The following TENT5D variants were observed in gnomAD, a reference collection of about 807,000 sequenced individuals.
TENT5D encodes terminal nucleotidyltransferase 5D.
For synonymous variants in TENT5D, 103 were observed against 100.6 expected (o/e 1.02, Z -0.15); for missense variants, 191 against 287.0 (o/e 0.67, Z 2.42).
At chrX:80,377,585 A>G (rs180742291) in intron 3 of TENT5D, among the ~76,000 whole-genome samples, 7 of 111,984 alleles carry the variant, frequency 6.3e-5, no homozygotes, top group Non-Finnish European at 1.3e-4. Context: ...TTATGGCTGC[A>G]TAGTGTTCCA....
chrX:80,371,480 C>A (rs1012028631), intron 3 of TENT5D, among the ~76,000 whole-genome samples: 3 of 111,981 alleles, frequency 2.7e-5, no homozygotes, highest in African/African-American at 6.5e-5. Flanking sequence ...TACAGCTATG[C>A]AACTCATAGA....
At chrX:80,359,584 A>G (rs771565245) in intron 3 of TENT5D, among the ~76,000 whole-genome samples, 5 of 111,135 alleles carry the variant, frequency 4.5e-5, no homozygotes, top group Non-Finnish European at 9.4e-5. Context: ...GGAGTTGTAC[A>G]ATGAGAACAC....
At chrX:80,404,843 C>A (rs1207799658) in intron 3 of TENT5D, among the ~76,000 whole-genome samples, 1 of 111,641 alleles carries the variant, frequency 9.0e-6, no homozygotes, top group Non-Finnish European at 1.9e-5. Flanking sequence ...GATGTAATAA[C>A]CTTAATTTAA....
chrX:80,377,585 A>T (rs180742291), intron 3 of TENT5D, among the ~76,000 whole-genome samples: 1 of 111,927 alleles, frequency 8.9e-6, no homozygotes, highest in African/African-American at 3.3e-5. Flanking sequence ...TTATGGCTGC[A>T]TAGTGTTCCA....
At chrX:80,341,145 A>T (rs1929949679) in intron 2 of TENT5D, among the ~76,000 whole-genome samples, 1 of 112,461 alleles carries the variant, frequency 8.9e-6, no homozygotes. Flanking sequence ...ATTTGTGACT[A>T]TGCACATTTG....
chrX:80,414,947 T>A (rs1569370759), intron 3 of TENT5D, among the ~76,000 whole-genome samples: 1 of 112,110 alleles, frequency 8.9e-6, no homozygotes, highest in South Asian at 3.7e-4. Context: ...TTTTCCTTTT[T>A]TGTATTATGT....
At chrX:80,433,552 G>A (rs1238784713) in intron 1 of TENT5D, among the ~76,000 whole-genome samples, 1 of 112,018 alleles carries the variant, frequency 8.9e-6, no homozygotes, top group African/African-American at 3.2e-5. Flanking sequence ...AGATTTCTCT[G>A]GGATTAGGGG....
chrX:80,359,134 C>T (rs915147479), intron 3 of TENT5D, among the ~76,000 whole-genome samples: 9 of 112,045 alleles, frequency 8.0e-5, no homozygotes, highest in Non-Finnish European at 1.7e-4. Flanking sequence ...GAATGGCAAT[C>T]ATTGAAAAGT....
intron 3 of TENT5D, among the ~76,000 whole-genome samples, chrX:80,354,949 G>T (rs759892417): frequency 2.7e-5 from 3 of 111,580 alleles, no homozygotes; most frequent in South Asian, 3.7e-4. Flanking sequence ...AATTAGTTTT[G>T]TTCCCGGATG....
chrX:80,354,724 G>A (rs139836105), intron 3 of TENT5D, among the ~76,000 whole-genome samples: 1,472 of 111,945 alleles, frequency 0.013, 27 homozygotes, highest in African/African-American at 0.045. Context: ...GGGAGCTACT[G>A]CATTCGTTTG....
chrX:80,407,120 C>A (rs1019125375), intron 3 of TENT5D, among the ~76,000 whole-genome samples: 2 of 108,583 alleles, frequency 1.8e-5, no homozygotes, highest in Non-Finnish European at 3.8e-5. Flanking sequence ...TGGAATGGAA[C>A]AACCGGTACC....
At chrX:80,425,679 A>G (rs920251669) in intron 1 of TENT5D, among the ~76,000 whole-genome samples, 4 of 112,368 alleles carry the variant, frequency 3.6e-5, no homozygotes, top group Non-Finnish European at 7.5e-5. Flanking sequence ...TTGATAGCAT[A>G]TATTTAAACA....
At chrX:80,348,753 T>C (rs753756733) in intron 3 of TENT5D, among the ~76,000 whole-genome samples, 33 of 111,977 alleles carry the variant, frequency 2.9e-4, no homozygotes, top group African/African-American at 1.0e-3. Context: ...TCAAAGTGAA[T>C]GCTTCCAGCT....
intron 3 of TENT5D, among the ~76,000 whole-genome samples, chrX:80,372,845 C>T (rs1930651392): frequency 9.6e-6 from 1 of 104,611 alleles, no homozygotes; most frequent in Non-Finnish European, 2.0e-5. Flanking sequence ...CAAGATCTCA[C>T]CACTGCACTC....
intron 3 of TENT5D, among the ~76,000 whole-genome samples, chrX:80,390,465 T>G: frequency 8.9e-6 from 1 of 111,743 alleles, no homozygotes; most frequent in Middle Eastern, 4.6e-3. Flanking sequence ...CAAGTATATA[T>G]GATGCAGTGA....
At chrX:80,431,364 A>G (rs1487681262) in intron 1 of TENT5D, among the ~76,000 whole-genome samples, 1 of 111,694 alleles carries the variant, frequency 9.0e-6, no homozygotes, top group Non-Finnish European at 1.9e-5. Context: ...AAGGAGAAAA[A>G]TTCCATCCCA....
At chrX:80,389,739 G>T (rs923701805) in intron 3 of TENT5D, among the ~76,000 whole-genome samples, 1 of 112,131 alleles carries the variant, frequency 8.9e-6, no homozygotes, top group Non-Finnish European at 1.9e-5. Flanking sequence ...ATTGGATTTA[G>T]CAACTTGAAG....
intron 3 of TENT5D, among the ~76,000 whole-genome samples, chrX:80,358,537 G>A (rs1930336168): frequency 8.9e-6 from 1 of 112,196 alleles, no homozygotes; most frequent in South Asian, 3.6e-4. Context: ...ATAACCAAGA[G>A]TTTACCTTTT....
chrX:80,361,376 G>A (rs1049536961), intron 3 of TENT5D, among the ~76,000 whole-genome samples: 1 of 112,304 alleles, frequency 8.9e-6, no homozygotes, highest in East Asian at 2.8e-4. Flanking sequence ...AGGAGCAATG[G>A]TTCAGTATTT....
Sources: gnomAD v4.1 joint callset for allele counts (sites outside exome capture counted in the v4.1 genomes callset) on GRCh38, gnomAD v4.1.1 for gene constraint, MANE v1.5 for transcripts, NCBI Gene and HGNC (gene_info 2026-07-23, HGNC 2026-07-21) for gene names.